Variants in UNC5B observed in about 807,000 individuals in gnomAD.
The protein encoded by UNC5B is netrin receptor UNC5B.
In UNC5B, 56 loss-of-function variants were observed where a neutral mutation model predicts 103.7. The ratio of observed to expected loss-of-function variants is 0.54; its 90% CI spans 0.44 to 0.67. The LOEUF (loss-of-function observed/expected upper bound fraction) is 0.67. Among genes scored for constraint, UNC5B ranks in the 30% least tolerant of loss-of-function variants. The pLI, the probability that UNC5B is intolerant of heterozygous loss-of-function variation, is 0.00. For synonymous variants in UNC5B, 577 were observed against 542.0 expected (o/e 1.06, Z -0.90); for missense variants, 1,194 against 1,284.5 (o/e 0.93, Z 1.08).
chr10:71,296,809 G>GC lies in UNC5B; in HGVS notation c.2490+68dup, dbSNP rs1346611438. ...CTGGCGGAGGTGAGGGAAGGGTGGG[G>GC]CAGATATTCCAGCTGCACACCACGC... On this transcript the variant is annotated intron_variant, in intron 15 of 16. Coordinates refer to ENST00000335350, the MANE Select transcript of UNC5B (RefSeq NM_170744.5). 7.4e-4 allele frequency: 1,086 copies of GC among 1,458,780 alleles called. 2 individuals are homozygous for GC. The highest frequency in any genetic ancestry group is 1.3e-3 in the East Asian group (51 of 38,746). The allele number at this position is 1,458,780 out of a possible 1,614,324, so 90.4% of individuals were successfully genotyped here. A position where few individuals can be genotyped will look rare whatever the true frequency, so the allele number is the denominator to read the frequency against.
In UNC5B at chr10:71,292,318, A is replaced by G. The variant is rs551703980; in HGVS notation, c.1685-149A>G. 52 of 658,792 alleles carry G rather than the reference A, an allele frequency of 7.9e-5. No homozygotes were observed. In the East Asian group the frequency reaches 1.3e-3, roughly 16 times the overall value. 40.8% of individuals were successfully genotyped at this position (658,792 alleles called of 1,614,324 possible). A position where few individuals can be genotyped will look rare whatever the true frequency, so the allele number is the denominator to read the frequency against. ...AGTGGCCTGGCCTCTGCTTGCATCC[A>G]GTCCCCAGACCCTGTCTCCCACCCC... On this transcript the variant is annotated intron_variant, in intron 10 of 16. Coordinates refer to ENST00000335350, the MANE Select transcript of UNC5B (RefSeq NM_170744.5).
intron 1 of UNC5B, among the ~76,000 whole-genome samples, chr10:71,215,034 A>G (rs1304474536): frequency 6.6e-6 from 1 of 152,158 alleles, no homozygotes; most frequent in Non-Finnish European, 1.5e-5. Context: ...CAGCCTTCTC[A>G]TTGCCCAGAA....
At chr10:71,247,587 G>A (rs1277155603) in intron 1 of UNC5B, among the ~76,000 whole-genome samples, 1 of 152,140 alleles carries the variant, frequency 6.6e-6, no homozygotes, top group Non-Finnish European at 1.5e-5. Context: ...CTTTAACCTG[G>A]CACCCTGGCC....
At chr10:71,260,611 T>C (rs776714871) in intron 1 of UNC5B, among the ~76,000 whole-genome samples, 1 of 152,200 alleles carries the variant, frequency 6.6e-6, no homozygotes, top group Non-Finnish European at 1.5e-5. Flanking sequence ...CCTGTTATCG[T>C]CACTGTGCTC....
Position 71,302,668 on chromosome 10 carries a change from G to T in UNC5B, c.*3391G>T, listed in dbSNP as rs1272948934. The stretch of plus-strand genomic sequence containing the variant: ...AGCTTTGGTGCAGGGAGCTCTTGGT[G>T]GGGCAAAGGGCTGGACCCCTGCCAG... On this transcript the variant is annotated 3_prime_UTR_variant, in exon 17 of 17. Transcript: ENST00000335350. 6.6e-6 allele frequency: 1 copy of T among 152,090 alleles called. No homozygotes were observed. Among genetic ancestry groups the T allele is most frequent in the South Asian group, 2.1e-4 (1 of 4,804 alleles). The allele number at this position is 152,090 out of a possible 1,614,324, so 9.4% of individuals were successfully genotyped here. A position where few individuals can be genotyped will look rare whatever the true frequency, so the allele number is the denominator to read the frequency against.
intron 1 of UNC5B, among the ~76,000 whole-genome samples, chr10:71,224,593 C>CCCTG (rs1843524506): frequency 6.6e-6 from 1 of 152,182 alleles, no homozygotes; most frequent in South Asian, 2.1e-4. Context: ...AGAGGTTCTG[C>CCCTG]CCTGGAATCA....
At chr10:71,294,349 T>G (rs1464050428) in intron 13 of UNC5B, among the ~76,000 whole-genome samples, 2 of 152,164 alleles carry the variant, frequency 1.3e-5, no homozygotes, top group East Asian at 1.9e-4. Context: ...AGGGAATGTG[T>G]GAATGTGAGG....
intron 10 of UNC5B, 85 bp downstream of exon 10, chr10:71,291,906 G>A: frequency 6.8e-7 from 1 of 1,481,224 alleles, no homozygotes; most frequent in Non-Finnish European, 8.9e-7. Flanking sequence ...CAGAAGATAG[G>A]GCTGCCCTAA....
At chr10:71,253,815 G>A (rs958007505) in intron 1 of UNC5B, among the ~76,000 whole-genome samples, 1 of 152,112 alleles carries the variant, frequency 6.6e-6, no homozygotes, top group Non-Finnish European at 1.5e-5. Context: ...GCAGGGGTCC[G>A]CAGGACACTA....
chr10:71,290,743 A>G (rs1379893046), intron 8 of UNC5B, among the ~76,000 whole-genome samples, 172 bp from the exon 9 acceptor site: 2 of 152,194 alleles, frequency 1.3e-5, no homozygotes, highest in African/African-American at 4.8e-5. Flanking sequence ...TTACCGATAG[A>G]GAGGTTCAAG....
intron 1 of UNC5B, among the ~76,000 whole-genome samples, chr10:71,272,935 G>T (rs575364586): frequency 6.6e-6 from 1 of 152,248 alleles, no homozygotes; most frequent in South Asian, 2.1e-4. Context: ...CATTGCCCAG[G>T]CTGGAATGCA....
At chr10:71,269,169 T>TA (rs200275456) in intron 1 of UNC5B, among the ~76,000 whole-genome samples, 3,536 of 152,092 alleles carry the variant, frequency 0.023, 79 homozygotes, top group Non-Finnish European at 0.026. Context: ...TTCATGCATC[T>TA]AAAAAAGTCA....
Position 71,293,714 on chromosome 10 carries a change from G to A in UNC5B, c.1956G>A (p.Leu652=). 6.3e-7 allele frequency: 1 copy of A among 1,590,362 alleles called. No homozygotes were observed. The highest frequency in any genetic ancestry group is 8.6e-7 in the Non-Finnish European group (1 of 1,168,016). Residue 652 remains leucine (L), a synonymous_variant, in exon 13 of 17, where the codon CTG becomes CTA. Transcript: ENST00000335350. ...HQGHWEEVVT[L]DEETLNTPCY... ...GTCCCCTACAGGAGGTGGTGACCCT[G>A]GATGAGGAGACCCTGAACACACCCT...
chr10:71,293,562 G>T lies in UNC5B; in HGVS notation c.1930G>T (p.Gly644Cys). The T allele has an allele frequency of 6.2e-7, 1 of 1,613,816 alleles. No individual in the cohort carries two copies. The highest frequency in any genetic ancestry group is 8.5e-7 in the Non-Finnish European group (1 of 1,179,990). ...TCAGCTCAAGACCCAGGCCCACCAG[G>T]GCCACTGGGAGGTGAGGAGCCACGG... Reference protein sequence around the residue: ...IFQLKTQAHQGHWEEVVTLDE... With the variant: ...IFQLKTQAHQCHWEEVVTLDE... Residue 644 changes from glycine (G) to cysteine (C), a missense_variant, in exon 12 of 17, where the codon GGC becomes TGC. Gly to Cys is a radical substitution (Grantham distance 159, BLOSUM62 -3). Coordinates refer to ENST00000335350, the MANE Select transcript of UNC5B (RefSeq NM_170744.5).
intron 5 of UNC5B, among the ~76,000 whole-genome samples, chr10:71,287,095 G>A (rs1310233207): frequency 2.0e-5 from 3 of 152,222 alleles, no homozygotes; most frequent in African/African-American, 7.2e-5. Flanking sequence ...CTCTGAAGGA[G>A]TTCTCCAAGT....
At chr10:71,241,345 C>A (rs1044154776) in intron 1 of UNC5B, among the ~76,000 whole-genome samples, 1 of 152,180 alleles carries the variant, frequency 6.6e-6, no homozygotes, top group African/African-American at 2.4e-5. Flanking sequence ...AGCAAGAGCC[C>A]CGCAGAAACA....
In UNC5B at chr10:71,296,757, G is replaced by A. The variant is rs780719622; in HGVS notation, c.2490+15G>A. 2 of 1,603,498 alleles carry A rather than the reference G, an allele frequency of 1.2e-6. No individual in the cohort carries two copies. The highest frequency in any genetic ancestry group is 8.5e-7 in the Non-Finnish European group (1 of 1,177,336). ...CTCTGGCAGAGGTGAGGGAAGTCGGGGCCACATATTCCAGCTGCACACCAC... is the reference window on the plus strand; with the variant it reads ...CTCTGGCAGAGGTGAGGGAAGTCGGAGCCACATATTCCAGCTGCACACCAC... On this transcript the variant is annotated intron_variant, in intron 15 of 16. Coordinates refer to ENST00000335350, the MANE Select transcript of UNC5B (RefSeq NM_170744.5).
intron 1 of UNC5B, among the ~76,000 whole-genome samples, chr10:71,215,200 A>T (rs1843306227): frequency 1.3e-5 from 2 of 152,144 alleles, no homozygotes; most frequent in South Asian, 4.1e-4. Flanking sequence ...CATTTCACTG[A>T]TGGGGAAAAT....
At chr10:71,262,940 G>T (rs753392594) in intron 1 of UNC5B, among the ~76,000 whole-genome samples, 59 of 152,266 alleles carry the variant, frequency 3.9e-4, no homozygotes, top group Admixed American at 9.8e-4. Flanking sequence ...ACTTGAAAAG[G>T]TAATGAGGGT....
Sources: allele counts gnomAD v4.1 joint callset (sites outside exome capture counted in the v4.1 genomes callset), GRCh38; gene constraint gnomAD v4.1.1; transcripts MANE v1.5; gene names NCBI Gene and HGNC (gene_info 2026-07-23, HGNC 2026-07-21).